CACNA2D3: variants seen among roughly 807,000 people sequenced by gnomAD.
CACNA2D3 encodes the protein voltage-dependent calcium channel subunit alpha-2/delta-3.
CACNA2D3 carries 60 observed loss-of-function variants against 160.6 expected under a neutral mutation model. The observed-to-expected ratio is 0.37, with a 90% CI of 0.30 to 0.46. The LOEUF is 0.46. Ranked by LOEUF, CACNA2D3 falls within the 20% of genes least tolerant of loss-of-function variation. The pLI, the probability that CACNA2D3 is intolerant of heterozygous loss-of-function variation, is 1.00. For missense variants in CACNA2D3, 1,205 were observed against 1,365.0 expected, an observed-to-expected ratio of 0.88 and a Z score of 1.85; for synonymous variants, 558 against 492.9, an observed-to-expected ratio of 1.13 and a Z score of -1.75.
At chr3:54,608,485 G>A (rs886071590) in intron 9 of CACNA2D3, among the ~76,000 whole-genome samples, 5 of 152,116 alleles carry the variant, frequency 3.3e-5, no homozygotes, top group Admixed American at 2.0e-4. Context: ...GAGATGTTAC[G>A]AAAATCACAC....
chr3:54,144,469 A>C (rs1699990261), intron 2 of CACNA2D3, among the ~76,000 whole-genome samples: 1 of 152,220 alleles, frequency 6.6e-6, no homozygotes, highest in African/African-American at 2.4e-5. Flanking sequence ...GTGTGTGTGC[A>C]TTGCATGTGC....
intron 27 of CACNA2D3, among the ~76,000 whole-genome samples, chr3:54,927,075 A>C (rs992816957): frequency 6.6e-6 from 1 of 152,244 alleles, no homozygotes; most frequent in South Asian, 2.1e-4. Context: ...AACTCAAAAT[A>C]GTTATCTACT....
intron 2 of CACNA2D3, among the ~76,000 whole-genome samples, chr3:54,241,482 C>T (rs1205971998): frequency 6.6e-6 from 1 of 152,234 alleles, no homozygotes; most frequent in Non-Finnish European, 1.5e-5. Flanking sequence ...TATTAATCAG[C>T]AAAGGGACTG....
chr3:54,350,974 TTTTTTTTG>T (rs1698545482), intron 3 of CACNA2D3, among the ~76,000 whole-genome samples: 2 of 45,002 alleles, frequency 4.4e-5, no homozygotes, highest in Non-Finnish European at 9.7e-5. Context: ...GTCTGTTTTT[TTTTTTTTG>T]TTTGTTTTTT....
At chr3:54,350,968 G>GTGTTTTTTTTTTTTTTTTTT (rs1698542910) in intron 3 of CACNA2D3, among the ~76,000 whole-genome samples, 2 of 56,106 alleles carry the variant, frequency 3.6e-5, no homozygotes, top group Non-Finnish European at 7.0e-5. Context: ...TCTTGAGTCT[G>GTGTTTTTTTTTTTTTTTTTT]TTTTTTTTTT....
chr3:54,355,850 A>G (rs1698640006), intron 3 of CACNA2D3, among the ~76,000 whole-genome samples: 2 of 152,200 alleles, frequency 1.3e-5, no homozygotes, highest in Non-Finnish European at 2.9e-5. Flanking sequence ...ATTTCGAAGC[A>G]TAAACTCGAG....
intron 5 of CACNA2D3, among the ~76,000 whole-genome samples, chr3:54,516,128 G>C (rs1701547086): frequency 6.6e-6 from 1 of 152,204 alleles, no homozygotes; most frequent in South Asian, 2.1e-4. Flanking sequence ...ATGAATGCCT[G>C]ACAACAGCAC....
intron 5 of CACNA2D3, among the ~76,000 whole-genome samples, chr3:54,531,515 C>G (rs1473211335): frequency 1.3e-5 from 2 of 152,202 alleles, no homozygotes; most frequent in Non-Finnish European, 2.9e-5. Flanking sequence ...CTTTTGATTT[C>G]TGTCTTCATT....
chr3:54,901,307 A>G (rs1346635219), intron 27 of CACNA2D3: 2 of 152,180 alleles, frequency 1.3e-5, no homozygotes, highest in Admixed American at 6.5e-5. Context: ...TTGGGTTTCT[A>G]GTTTAGTCAT....
chr3:54,800,705 A>C (rs536239001), intron 13 of CACNA2D3, among the ~76,000 whole-genome samples: 41 of 152,338 alleles, frequency 2.7e-4, no homozygotes, highest in South Asian at 2.1e-4. Context: ...TAATTTATGC[A>C]GGCTTGCCTT....
intron 2 of CACNA2D3, among the ~76,000 whole-genome samples, chr3:54,245,550 A>T (rs1702056407): frequency 1.3e-5 from 2 of 152,148 alleles, no homozygotes; most frequent in South Asian, 4.1e-4. Context: ...CACTTCACTG[A>T]CTTGGCACTG....
chr3:54,883,922 A>G (rs578226046), intron 21 of CACNA2D3, among the ~76,000 whole-genome samples: 13 of 151,950 alleles, frequency 8.6e-5, no homozygotes, highest in Admixed American at 7.2e-4. Flanking sequence ...GATATTCTCT[A>G]AAGTTAAATT....
At chr3:54,727,390 A>G (rs886166006) in intron 11 of CACNA2D3, among the ~76,000 whole-genome samples, 10 of 152,368 alleles carry the variant, frequency 6.6e-5, no homozygotes, top group African/African-American at 2.4e-4. Flanking sequence ...GATTTGACCC[A>G]GCAATCCCAT....
At chr3:54,805,844 C>T (rs1703107968) in intron 13 of CACNA2D3, among the ~76,000 whole-genome samples, 1 of 152,156 alleles carries the variant, frequency 6.6e-6, no homozygotes, top group African/African-American at 2.4e-5. Flanking sequence ...CATCAAAAAG[C>T]TTATCCACCA....
Position 54,870,367 on chromosome 3 carries a change from C to T in CACNA2D3, c.1627-1172C>T, listed in dbSNP as rs960868775. ...TAAAACACTTAGACTGACCCTGCAT[C>T]TCACTTAGAACCTTCCAGTTAAATC... On this transcript the variant is annotated intron_variant, in intron 17 of 37. Coordinates refer to ENST00000474759, the MANE Select transcript of CACNA2D3 (RefSeq NM_018398.3). 9.8e-5 allele frequency among the ~76,000 whole-genome samples: 15 copies of T among 152,312 alleles called. 1 individual carries two copies. The South Asian group carries it at 2.9e-3, about 29-fold the overall frequency.
At chr3:54,340,079 G>A (rs1007084216) in intron 3 of CACNA2D3, among the ~76,000 whole-genome samples, 2 of 152,176 alleles carry the variant, frequency 1.3e-5, no homozygotes, top group African/African-American at 4.8e-5. Flanking sequence ...AAAGAGAAAT[G>A]ATTTTAGAAA....
chr3:54,811,549 G>C (rs1159083611), intron 13 of CACNA2D3, among the ~76,000 whole-genome samples: 1 of 138,588 alleles, frequency 7.2e-6, no homozygotes, highest in East Asian at 2.2e-4. Flanking sequence ...CCAGGCTGGA[G>C]TGCAGTGGTG....
intron 28 of CACNA2D3, 47 bp downstream of exon 28, chr3:54,968,558 A>G (rs1702204346): frequency 7.0e-7 from 1 of 1,423,778 alleles, no homozygotes. Flanking sequence ...CTGTTATTAT[A>G]CAGGTGTTCC....
intron 11 of CACNA2D3, among the ~76,000 whole-genome samples, chr3:54,742,528 C>T (rs1283834162): frequency 6.6e-6 from 1 of 152,166 alleles, no homozygotes; most frequent in Non-Finnish European, 1.5e-5. Flanking sequence ...AATTCTTAGC[C>T]CTGTTTGGTA....
Sources: allele counts gnomAD v4.1 joint callset (sites outside exome capture counted in the v4.1 genomes callset), GRCh38; gene constraint gnomAD v4.1.1; transcripts MANE v1.5; gene names NCBI Gene and HGNC (gene_info 2026-07-23, HGNC 2026-07-21).